ABCB5: variants seen among roughly 807,000 people sequenced by gnomAD.
ABCB5 encodes the protein ATP-binding cassette sub-family B member 5.
In ABCB5, 155 loss-of-function variants were observed where a neutral mutation model predicts 144.2. The observed-to-expected ratio is 1.08, with a 90% CI of 0.94 to 1.23. ABCB5 has a LOEUF of 1.23. Ranked by LOEUF, ABCB5 falls within the 50% of genes most tolerant of loss-of-function variation. The pLI is 0.00. For missense variants in ABCB5, 1,830 were observed against 1,520.8 expected (o/e 1.20, Z -3.38); for synonymous variants, 610 against 528.6 (o/e 1.15, Z -2.11).
In ABCB5 at chr7:20,739,197, G is replaced by C. The variant is rs886765205; in HGVS notation, c.3024+58G>C. 3.8e-5 allele frequency: 55 copies of C among 1,463,022 alleles called. 2 individuals are homozygous for C. The South Asian group carries it at 7.4e-4, about 20-fold the overall frequency. The allele number at this position is 1,463,022 out of a possible 1,614,324, so 90.6% of individuals were successfully genotyped here. ...AAAGATGGCAACAGTAGGAACTGGG[G>C]GCCACTGAAGATGGGAGGGAGAGAG... On this transcript the variant is annotated intron_variant, in intron 24 of 27. Coordinates refer to ENST00000404938, the MANE Select transcript of ABCB5 (RefSeq NM_001163941.2).
chr7:20,645,542 A>C (rs1271909537), intron 7 of ABCB5, among the ~76,000 whole-genome samples: 2 of 152,246 alleles, frequency 1.3e-5, no homozygotes, highest in African/African-American at 2.4e-5. Flanking sequence ...ATGTGAAATC[A>C]GGTAAACCTG....
At chr7:20,677,718 G>A (rs1263393416) in intron 14 of ABCB5, among the ~76,000 whole-genome samples, 1 of 152,116 alleles carries the variant, frequency 6.6e-6, no homozygotes, top group Non-Finnish European at 1.5e-5. Context: ...GACAGAGCGA[G>A]ACTCTGTCTC....
chr7:20,699,854 A>T lies in ABCB5; in HGVS notation c.2184A>T (p.Leu728Phe). Residue 728 changes from leucine to phenylalanine, a missense_variant, in exon 18 of 28, where the codon TTA becomes TTT. Transcript: ENST00000404938. Reference sequence around the variant, plus strand: ...TTGGAAATAATGATAAAACCACATTAAAGCATGATGCAGAAATTTATTCCA... The same window carrying T: ...TTGGAAATAATGATAAAACCACATTTAAGCATGATGCAGAAATTTATTCCA... ...TMFGNNDKTT[L>F]KHDAEIYSMI... is the part of the protein sequence containing the mutation. 8 of 1,611,370 alleles carry T rather than the reference A, an allele frequency of 5.0e-6. No individual in the cohort carries two copies. In the South Asian group the frequency reaches 8.9e-5, roughly 18 times the overall value.
At position 20,688,875 on chromosome 7, in the gene ABCB5, C is replaced by G. The variant is rs13234097; in HGVS notation, c.2010+3039C>G. ...TCAGCAAACTAACAAGGACAGAAAA[C>G]CAAACACGGCATGTTCTCACTCATA... is the stretch of plus-strand genomic sequence containing the variant. On this transcript the variant is annotated intron_variant, in intron 16 of 27. Transcript: ENST00000404938. 7.0e-3 allele frequency among the ~76,000 whole-genome samples: 1,069 copies of G among 152,026 alleles called. 2 individuals are homozygous for G. Among genetic ancestry groups the G allele is most frequent in the Non-Finnish European group, 9.2e-3 (625 of 67,988 alleles).
intron 16 of ABCB5, among the ~76,000 whole-genome samples, chr7:20,690,121 G>A (rs1046499255): frequency 2.0e-5 from 3 of 152,138 alleles, no homozygotes; most frequent in African/African-American, 7.2e-5. Flanking sequence ...TAACCTGAAT[G>A]AATAAAAAAT....
At chr7:20,732,290 C>T (rs1267023871) in intron 23 of ABCB5, among the ~76,000 whole-genome samples, 2 of 152,140 alleles carry the variant, frequency 1.3e-5, no homozygotes, top group Non-Finnish European at 2.9e-5. Context: ...GGACTTTCAC[C>T]GATGGTCCAA....
chr7:20,721,681 A>G (rs1583450882), intron 20 of ABCB5, among the ~76,000 whole-genome samples: 3 of 152,310 alleles, frequency 2.0e-5, no homozygotes, highest in Middle Eastern at 6.8e-3. Context: ...ATCTTCACCA[A>G]TAGAAAGAGA....
intron 1 of ABCB5, among the ~76,000 whole-genome samples, chr7:20,622,911 A>C (rs892455663): frequency 6.6e-6 from 1 of 152,136 alleles, no homozygotes; most frequent in African/African-American, 2.4e-5. Flanking sequence ...ATAGATTAAA[A>C]ATTTTCACCA....
At chr7:20,713,993 C>G (rs1251981668) in intron 20 of ABCB5, among the ~76,000 whole-genome samples, 3 of 152,330 alleles carry the variant, frequency 2.0e-5, no homozygotes, top group African/African-American at 7.2e-5. Context: ...GCACTGCCAC[C>G]TGGAAACTCT....
rs569459480 is a variant in ABCB5, at chr7:20,728,763, A to T, written c.2867+308A>T. Among the ~76,000 whole-genome samples, 31 of 152,260 alleles carry T rather than the reference A, an allele frequency of 2.0e-4. 1 individual carries two copies. The highest frequency in any genetic ancestry group is 6.3e-4 in the African/African-American group (26 of 41,536). On this transcript the variant is annotated intron_variant, in intron 23 of 27. Coordinates refer to ENST00000404938, the MANE Select transcript of ABCB5 (RefSeq NM_001163941.2). ...AGTGAGACTCTGTCTCAAAATAAATAAATTAATTAATAAGTTGTGGAAATA... is the reference window on the plus strand; with the variant it reads ...AGTGAGACTCTGTCTCAAAATAAATTAATTAATTAATAAGTTGTGGAAATA...
rs138752958 is a variant in ABCB5 at position 20,616,650 on chromosome 7, G to C, written c.-22+813G>C. On this transcript the variant is annotated intron_variant, in intron 1 of 27. Transcript: ENST00000404938. ...GGCTGACTGATAGATTTTGTGTAGAGCAATTAAGATGTTCAGAGTTCTTCT... is the reference window on the plus strand; with the variant it reads ...GGCTGACTGATAGATTTTGTGTAGACCAATTAAGATGTTCAGAGTTCTTCT... 1.7e-3 allele frequency among the ~76,000 whole-genome samples: 255 copies of C among 152,228 alleles called. 1 individual carries two copies. Among genetic ancestry groups the C allele is most frequent in the African/African-American group, 5.6e-3 (233 of 41,512 alleles).
intron 2 of ABCB5, among the ~76,000 whole-genome samples, chr7:20,624,253 T>C (rs1783860967): frequency 6.6e-6 from 1 of 152,212 alleles, no homozygotes; most frequent in African/African-American, 2.4e-5. Context: ...TCGGCATATA[T>C]TCCACAGGAA....
intron 16 of ABCB5, among the ~76,000 whole-genome samples, chr7:20,690,601 G>T (rs979809130): frequency 6.6e-6 from 1 of 152,148 alleles, no homozygotes; most frequent in African/African-American, 2.4e-5. Context: ...GTGTGTGGGG[G>T]CCAGAGTAAG....
intron 1 of ABCB5, among the ~76,000 whole-genome samples, chr7:20,617,666 C>A (rs929653776): frequency 3.3e-5 from 5 of 152,044 alleles, no homozygotes; most frequent in African/African-American, 7.2e-5. Flanking sequence ...ACCCAAAAAT[C>A]GCATTTTTAT....
chr7:20,736,015 G>A (rs935724442), intron 23 of ABCB5, among the ~76,000 whole-genome samples: 1 of 152,122 alleles, frequency 6.6e-6, no homozygotes, highest in Admixed American at 6.5e-5. Context: ...ATTTAGGGCG[G>A]GAAGAGGTCT....
Position 20,755,974 on chromosome 7 carries a change from T to C in ABCB5, c.*350T>C. 3.8e-6 allele frequency: 1 copy of C among 265,890 alleles called. No individual in the cohort carries two copies. Among genetic ancestry groups the C allele is most frequent in the Non-Finnish European group, 7.3e-6 (1 of 136,718 alleles). The allele number at this position is 265,890 out of a possible 1,614,324, so 16.5% of individuals were successfully genotyped here. On this transcript the variant is annotated 3_prime_UTR_variant, in exon 28 of 28. Coordinates refer to ENST00000404938, the MANE Select transcript of ABCB5 (RefSeq NM_001163941.2). ...AGGGGGAATATTATCCAATTAACCA[T>C]GTTGAAGGTTTTAGCAAAGGCAGTG...
In ABCB5 at chr7:20,753,400, C is replaced by T; in HGVS notation, c.3470C>T (p.Ser1157Phe). The change falls in exon 27 of 28, where the codon TCT becomes TTT. Residue 1157 changes from serine to phenylalanine, a missense_variant. Coordinates refer to ENST00000404938, the MANE Select transcript of ABCB5 (RefSeq NM_001163941.2). ...GTTGGACTGAAAGGAGCACAGCTTT[C>T]TGGCGGCCAGAAACAAAGACTAGCT... The part of the protein sequence containing the change: ...TQVGLKGAQL[S>F]GGQKQRLAIA... 1 of 1,614,152 alleles carries T rather than the reference C, an allele frequency of 6.2e-7. No individual in the cohort carries two copies. The highest frequency in any genetic ancestry group is 8.5e-7 in the Non-Finnish European group (1 of 1,180,004).
In ABCB5 at chr7:20,745,256, G is replaced by T. The variant is rs1333814179; in HGVS notation, c.3247G>T (p.Glu1083Ter). ...QVLFDGVDAK[E>*]LNVQWLRSQI... ...GCTGTTTGATGGTGTGGATGCAAAAGAATTGAATGTACAGTGGCTCCGTTC... is the reference window on the plus strand; with the variant it reads ...GCTGTTTGATGGTGTGGATGCAAAATAATTGAATGTACAGTGGCTCCGTTC... The change falls in exon 26 of 28, where the codon GAA becomes TAA. Residue 1083 changes from glutamate to a stop codon, truncating the protein, a stop_gained. Transcript: ENST00000404938. LOFTEE classifies it high-confidence loss of function. The T allele has an allele frequency of 1.2e-6, 2 of 1,613,832 alleles. No homozygotes were observed. Among genetic ancestry groups the T allele is most frequent in the Admixed American group, 1.7e-5 (1 of 59,990 alleles).
At chr7:20,656,808 A>G (rs74892840) in intron 13 of ABCB5, among the ~76,000 whole-genome samples, 1 of 152,192 alleles carries the variant, frequency 6.6e-6, no homozygotes, top group Non-Finnish European at 1.5e-5. Context: ...ATGAATATTC[A>G]TAGCAGCTTT....
Sources: gnomAD v4.1 joint callset for allele counts (sites outside exome capture counted in the v4.1 genomes callset) on GRCh38, gnomAD v4.1.1 for gene constraint, MANE v1.5 for transcripts, NCBI Gene and HGNC (gene_info 2026-07-23, HGNC 2026-07-21) for gene names.